CD96: variants seen among roughly 807,000 people sequenced by gnomAD.
CD96 encodes the protein CD96 molecule.
CD96 carries 70 observed loss-of-function variants against 71.3 expected under a neutral mutation model. That is an observed-to-expected ratio of 0.98 (90% CI 0.81 to 1.20). CD96 has a LOEUF of 1.20. CD96 is among the 50% of genes most tolerant of loss of function. The pLI is 0.00. For synonymous variants in CD96, 248 were observed against 233.0 expected, an observed-to-expected ratio of 1.06 and a Z score of -0.59; for missense variants, 742 against 677.5, an observed-to-expected ratio of 1.10 and a Z score of -1.06.
intron 12 of CD96, among the ~76,000 whole-genome samples, chr3:111,640,205 C>G (rs924185168): frequency 6.6e-6 from 1 of 151,842 alleles, no homozygotes; most frequent in Non-Finnish European, 1.5e-5. Context: ...CAGAGAAAGG[C>G]GAAGCCCAAT....
chr3:111,548,778 C>G lies in CD96; in HGVS notation c.418+3376C>G, dbSNP rs1279114226. ...TAGTAGCAATAAAATTTTGATACTA[C>G]AATGTTGATAAGCTTGGTCTAAAAC... is the stretch of plus-strand genomic sequence containing the variant. On this transcript the variant is annotated intron_variant, in intron 2 of 13. Transcript: ENST00000352690. 5.9e-5 allele frequency among the ~76,000 whole-genome samples: 9 copies of G among 152,240 alleles called. No homozygotes were observed. The South Asian group carries it at 1.7e-3, about 28-fold the overall frequency.
chr3:111,610,420 G>A (rs1016672249), intron 8 of CD96, among the ~76,000 whole-genome samples: 3 of 152,282 alleles, frequency 2.0e-5, no homozygotes, highest in African/African-American at 7.2e-5. Flanking sequence ...GTTTCATTCC[G>A]AATTCTAAGA....
chr3:111,651,996 G>A lies in CD96; in HGVS notation c.*2190G>A, dbSNP rs958304415. The A allele has an allele frequency of 6.6e-6, 1 of 152,142 alleles. No homozygotes were observed. Among genetic ancestry groups the A allele is most frequent in the African/African-American group, 2.4e-5 (1 of 41,442 alleles). The allele number at this position is 152,142 out of a possible 1,614,324, so 9.4% of individuals were successfully genotyped here. On this transcript the variant is annotated 3_prime_UTR_variant, in exon 14 of 14. Coordinates refer to ENST00000352690, the MANE Select transcript of CD96 (RefSeq NM_005816.5). Reference sequence around the variant, plus strand: ...CCAGCCATGTAAGGGAGCCATCTTGGAAGCAGATCCTCCAGCCTCCAGTCA... The same window carrying A: ...CCAGCCATGTAAGGGAGCCATCTTGAAAGCAGATCCTCCAGCCTCCAGTCA...
At chr3:111,620,394 G>T (rs1938461537) in intron 8 of CD96, among the ~76,000 whole-genome samples, 1 of 152,202 alleles carries the variant, frequency 6.6e-6, no homozygotes, top group African/African-American at 2.4e-5. Flanking sequence ...AAGGTTTTTA[G>T]AGATCAGGTC....
chr3:111,555,718 G>C (rs1228231332), intron 2 of CD96, among the ~76,000 whole-genome samples: 2 of 152,294 alleles, frequency 1.3e-5, no homozygotes, highest in Non-Finnish European at 2.9e-5. Context: ...TCAGAAGTTT[G>C]ATTATGGGTG....
chr3:111,571,930 C>T (rs1395344493), intron 3 of CD96, among the ~76,000 whole-genome samples: 3 of 152,158 alleles, frequency 2.0e-5, no homozygotes, highest in East Asian at 1.9e-4. Flanking sequence ...CCTGACAGTT[C>T]ATAAACCACA....
intron 10 of CD96, among the ~76,000 whole-genome samples, chr3:111,627,443 G>T (rs538218101): frequency 3.9e-5 from 6 of 152,316 alleles, no homozygotes; most frequent in African/African-American, 1.4e-4. Context: ...CACTGGGAGG[G>T]TCCTCCCAGC....
chr3:111,589,887 A>T (rs62275481), intron 5 of CD96, among the ~76,000 whole-genome samples: 10,335 of 152,282 alleles, frequency 0.068, 377 homozygotes, highest in East Asian at 0.1. Flanking sequence ...TACCCTCATC[A>T]ATTAATTAAC....
In CD96 at chr3:111,650,920, G is replaced by T. The variant is rs1317925198; in HGVS notation, c.*1114G>T. 6.6e-6 allele frequency: 1 copy of T among 152,222 alleles called. No homozygotes were observed. Among genetic ancestry groups the T allele is most frequent in the Non-Finnish European group, 1.5e-5 (1 of 68,054 alleles). The allele number at this position is 152,222 out of a possible 1,614,324, so 9.4% of individuals were successfully genotyped here. On this transcript the variant is annotated 3_prime_UTR_variant, in exon 14 of 14. Transcript: ENST00000352690. Reference sequence around the variant, plus strand: ...CCAGGAGGGAAAAACAGATGTTGTTGACAGATAGAGTGATAGGCAAATTCT... The same window carrying T: ...CCAGGAGGGAAAAACAGATGTTGTTTACAGATAGAGTGATAGGCAAATTCT...
chr3:111,564,779 A>G (rs1935626419), intron 2 of CD96, among the ~76,000 whole-genome samples: 1 of 152,120 alleles, frequency 6.6e-6, no homozygotes, highest in Non-Finnish European at 1.5e-5. Flanking sequence ...TTCTTATCAC[A>G]GAGGAGTGGG....
Position 111,545,313 on chromosome 3 carries a change from G to T in CD96, c.329G>T (p.Cys110Phe). 6.2e-7 allele frequency: 1 copy of T among 1,614,096 alleles called. No individual in the cohort carries two copies. The highest frequency in any genetic ancestry group is 8.5e-7 in the Non-Finnish European group (1 of 1,179,952). The change falls in exon 2 of 14, where the codon TGT (cysteine) becomes TTT (phenylalanine). Residue 110 changes from cysteine (C) to phenylalanine (F), a missense_variant. Physicochemically the swap from Cys to Phe is radical, Grantham distance 205. Transcript: ENST00000352690. ...KWTLHLRNMS[C>F]SVSGRYECML... Reference sequence around the variant, plus strand: ...ACTCTGCACTTAAGGAATATGTCTTGTTCAGTCAGTGGAAGGTACGAGTGT... The same window carrying T: ...ACTCTGCACTTAAGGAATATGTCTTTTTCAGTCAGTGGAAGGTACGAGTGT...
chr3:111,643,701 C>A (rs1323081119), intron 12 of CD96, among the ~76,000 whole-genome samples: 3 of 115,106 alleles, frequency 2.6e-5, no homozygotes, highest in African/African-American at 9.5e-5. Flanking sequence ...AGCAGAGAAT[C>A]AAATCAAGAA....
At chr3:111,632,561 G>A (rs1284712937) in intron 10 of CD96, among the ~76,000 whole-genome samples, 4 of 152,142 alleles carry the variant, frequency 2.6e-5, no homozygotes, top group Admixed American at 6.6e-5. Context: ...ACATTGTGGC[G>A]ATTCCTCAAA....
rs139611441 is a variant in CD96, at chr3:111,602,202, G to A, written c.1087+1288G>A. ...GCTTTGGCAGAATCTAAGGATGTGA[G>A]CTAAAGGACCCTAAAAGCTCAAATT... On this transcript the variant is annotated intron_variant, in intron 7 of 13. Transcript: ENST00000352690. Among the ~76,000 whole-genome samples the A allele has an allele frequency of 1.1e-4, 17 of 152,306 alleles. No homozygotes were observed. The East Asian group carries it at 3.3e-3, about 29-fold the overall frequency.
Position 111,600,801 on chromosome 3 carries a change from A to G in CD96, c.974A>G (p.His325Arg). ...LELKSVLTRV[H>R]SNKPAQSDNL... ...CTGAAGTCTGTTTTAACAAGGGTAC[A>G]TAGTAATAAACCAGCCCAATCAGAC... Residue 325 changes from histidine (H) to arginine (R), a missense_variant, in exon 7 of 14, where the codon CAT becomes CGT. His to Arg is a conservative substitution (Grantham distance 29). Transcript: ENST00000352690. 1.2e-6 allele frequency: 2 copies of G among 1,613,316 alleles called. No individual in the cohort carries two copies. Among genetic ancestry groups the G allele is most frequent in the Non-Finnish European group, 1.7e-6 (2 of 1,179,242 alleles).
intron 8 of CD96, among the ~76,000 whole-genome samples, chr3:111,617,147 G>A (rs1938282662): frequency 6.6e-6 from 1 of 152,246 alleles, no homozygotes; most frequent in Non-Finnish European, 1.5e-5. Context: ...GATGGGCTGA[G>A]GGCAGCTGGG....
intron 2 of CD96, among the ~76,000 whole-genome samples, chr3:111,554,684 G>A (rs1934896971): frequency 1.3e-5 from 2 of 152,162 alleles, no homozygotes; most frequent in African/African-American, 4.8e-5. Context: ...TTGACACTAG[G>A]TACCGGCATG....
At chr3:111,626,302 G>A (rs558288804) in intron 10 of CD96, among the ~76,000 whole-genome samples, 20 of 54,862 alleles carry the variant, frequency 3.6e-4, no homozygotes, top group African/African-American at 1.2e-3. Context: ...GTAAGACTCC[G>A]TCTCAAAAAA....
Position 111,554,659 on chromosome 3 carries a change from G to T in CD96, c.418+9257G>T, listed in dbSNP as rs184071191. On this transcript the variant is annotated intron_variant, in intron 2 of 13. Transcript: ENST00000352690. Reference sequence around the variant, plus strand: ...AGTGTTAAATTAAGGATTTAAAGCAGCAGTACCCAACTTTTTGACACTAGG... The same window carrying T: ...AGTGTTAAATTAAGGATTTAAAGCATCAGTACCCAACTTTTTGACACTAGG... 2.0e-4 allele frequency among the ~76,000 whole-genome samples: 30 copies of T among 152,144 alleles called. 1 individual carries two copies. In the East Asian group the frequency reaches 5.8e-3, roughly 29 times the overall value.
Sources: allele counts gnomAD v4.1 joint callset (sites outside exome capture counted in the v4.1 genomes callset), GRCh38; gene constraint gnomAD v4.1.1; transcripts MANE v1.5; gene names NCBI Gene and HGNC (gene_info 2026-07-23, HGNC 2026-07-21).